The following CPO variants were observed in gnomAD, a reference collection of about 807,000 sequenced individuals.
CPO encodes carboxypeptidase O.
In CPO, 43 loss-of-function variants were observed where a neutral mutation model predicts 41.2. The ratio of observed to expected loss-of-function variants is 1.04; its 90% CI spans 0.82 to 1.35. The LOEUF is 1.35. CPO is among the 40% of genes most tolerant of loss of function. The pLI is 0.00. For missense variants in CPO, 408 were observed against 451.7 expected (o/e 0.90, Z 0.88); for synonymous variants, 178 against 162.7 (o/e 1.09, Z -0.72).
intron 8 of CPO, 80 bp from the exon 9 acceptor site, chr2:206,969,094 C>T (rs1693635399): frequency 2.1e-6 from 3 of 1,397,624 alleles, no homozygotes; most frequent in African/African-American, 1.4e-5. Context: ...CTAAGTGAAC[C>T]TTTAGTTCCT....
rs190618824 is a variant in CPO, at chr2:206,940,320, G to A, written c.68+653G>A. 4.0e-3 allele frequency among the ~76,000 whole-genome samples: 601 copies of A among 151,924 alleles called. 2 individuals carry two copies. The highest frequency in any genetic ancestry group is 7.0e-3 in the Non-Finnish European group (476 of 67,928). On this transcript the variant is annotated intron_variant, in intron 1 of 8. Transcript: ENST00000272852. ...ATTTCTCTAAGAAGTGGAATTACTG[G>A]GTCAGTAACTGAGGAAAATGTAAGG...
At chr2:206,952,595 C>G (rs1693285687) in intron 2 of CPO, among the ~76,000 whole-genome samples, 1 of 152,134 alleles carries the variant, frequency 6.6e-6, no homozygotes, top group Non-Finnish European at 1.5e-5. Context: ...GTATAAGACT[C>G]TTTGTAGCAC....
At chr2:206,949,405 C>T (rs972944890) in intron 1 of CPO, among the ~76,000 whole-genome samples, 1 of 152,194 alleles carries the variant, frequency 6.6e-6, no homozygotes, top group Non-Finnish European at 1.5e-5. Context: ...TAATTGTTCT[C>T]ACTCTACAGA....
At chr2:206,949,498 A>G in intron 1 of CPO, 119 bp from the exon 2 acceptor site, 1 of 681,736 alleles carries the variant, frequency 1.5e-6, no homozygotes. Flanking sequence ...ACTCCAACAC[A>G]GGCTTTTGTC....
Position 206,962,316 on chromosome 2 carries a change from T to C in CPO, c.575-96T>C. ...GACAACCAAGGGCAAGCGCTGATTC[T>C]ACTCACAGAGGCCCTGAGTATGGAT... On this transcript the variant is annotated intron_variant, in intron 6 of 8. Transcript: ENST00000272852. 3.8e-6 allele frequency: 4 copies of C among 1,063,026 alleles called. No homozygotes were observed. The South Asian group carries it at 5.5e-5, about 15-fold the overall frequency. The allele number at this position is 1,063,026 out of a possible 1,614,324, so 65.8% of individuals were successfully genotyped here. A position where few individuals can be genotyped will look rare whatever the true frequency, so the allele number is the denominator to read the frequency against.
chr2:206,958,728 GTTTTTTTTTTTTTTTTTTT>G (rs752377148), intron 4 of CPO, among the ~76,000 whole-genome samples: 2 of 53,330 alleles, frequency 3.8e-5, no homozygotes, highest in African/African-American at 1.4e-4. Flanking sequence ...AAATTTTCTA[GTTTTTTTTTTTTTTTTTTT>G]TTTTTTTTTT....
intron 7 of CPO, 75 bp from the exon 8 acceptor site, chr2:206,968,188 A>C: frequency 9.5e-7 from 1 of 1,047,904 alleles, no homozygotes; most frequent in Non-Finnish European, 1.5e-6. Context: ...ATGAATCTGG[A>C]CAAAACACCA....
At chr2:206,949,560 C>T (rs1436303918) in intron 1 of CPO, 57 bp from the exon 2 acceptor site, 4 of 1,279,024 alleles carry the variant, frequency 3.1e-6, no homozygotes, top group Non-Finnish European at 4.6e-6. Flanking sequence ...AACCCGCCAA[C>T]CCTCAGGATA....
At chr2:206,967,266 A>G (rs942776312) in intron 7 of CPO, among the ~76,000 whole-genome samples, 7 of 151,774 alleles carry the variant, frequency 4.6e-5, no homozygotes, top group Non-Finnish European at 1.0e-4. Flanking sequence ...TTATCTCTGG[A>G]AAGGGGCTGC....
intron 1 of CPO, among the ~76,000 whole-genome samples, chr2:206,943,891 T>G (rs1390165914): frequency 6.6e-6 from 1 of 152,128 alleles, no homozygotes; most frequent in African/African-American, 2.4e-5. Flanking sequence ...ATGCTTGAGT[T>G]TGGAATTCTC....
chr2:206,967,574 G>C (rs1693609386), intron 7 of CPO, among the ~76,000 whole-genome samples: 1 of 152,066 alleles, frequency 6.6e-6, no homozygotes. Context: ...AGAGATAAGA[G>C]GTAGGGGTCC....
intron 1 of CPO, among the ~76,000 whole-genome samples, chr2:206,944,198 C>A (rs1693098189): frequency 6.6e-6 from 1 of 151,942 alleles, no homozygotes; most frequent in Non-Finnish European, 1.5e-5. Context: ...ATGTAGTGCT[C>A]AGTAAGGGTT....
intron 6 of CPO, among the ~76,000 whole-genome samples, chr2:206,961,233 CA>C (rs567576085): frequency 5.8e-4 from 89 of 152,224 alleles, no homozygotes; most frequent in Middle Eastern, 3.4e-3. Flanking sequence ...TATGAATTAT[CA>C]TAAAGAAAAG....
At chr2:206,960,778 GA>G in intron 5 of CPO, 73 bp from the exon 6 acceptor site, 3 of 1,022,214 alleles carry the variant, frequency 2.9e-6, no homozygotes, top group Non-Finnish European at 4.6e-6. Context: ...CATGTTCAAG[GA>G]CCACCTATCA....
At position 206,968,288 on chromosome 2, in the gene CPO, A is replaced by C; in HGVS notation, c.803A>C (p.Asn268Thr). The C allele has an allele frequency of 6.2e-7, 1 of 1,611,884 alleles. No individual in the cohort carries two copies. Among genetic ancestry groups the C allele is most frequent in the Admixed American group, 1.7e-5 (1 of 60,026 alleles). Residue 268 changes from asparagine (N) to threonine (T), a missense_variant, in exon 8 of 9, where the codon AAT becomes ACT. By Grantham distance (65) the Asn-to-Thr change is moderately conservative. Coordinates refer to ENST00000272852, the MANE Select transcript of CPO (RefSeq NM_173077.3). ...EMIQVGQKAANALKAKYGTNY... is the reference protein window; with the variant it reads ...EMIQVGQKAATALKAKYGTNY... The stretch of plus-strand genomic sequence containing the variant: ...ATTCAAGTTGGACAGAAGGCAGCAA[A>C]TGCATTGAAAGCAAAGTATGGAACC...
chr2:206,946,907 A>G (rs1309574032), intron 1 of CPO, among the ~76,000 whole-genome samples: 1 of 152,180 alleles, frequency 6.6e-6, no homozygotes, highest in Non-Finnish European at 1.5e-5. Context: ...AACAAAATTT[A>G]TACAAGATCT....
chr2:206,951,528 A>C lies in CPO; in HGVS notation c.165+1815A>C, dbSNP rs114154766. ...TCTCTCAGCATTTAGGAATATATTC[A>C]TATTTTCCAGACTTTTTTTCAACAA... is the stretch of plus-strand genomic sequence containing the variant. On this transcript the variant is annotated intron_variant, in intron 2 of 8. Coordinates refer to ENST00000272852, the MANE Select transcript of CPO (RefSeq NM_173077.3). Among the ~76,000 whole-genome samples, 310 of 152,338 alleles carry C rather than the reference A, an allele frequency of 2.0e-3. 1 individual carries two copies. The highest frequency in any genetic ancestry group is 6.7e-3 in the African/African-American group (279 of 41,574).
intron 3 of CPO, among the ~76,000 whole-genome samples, chr2:206,956,690 TTTAA>T: frequency 6.6e-6 from 1 of 152,340 alleles, no homozygotes; most frequent in East Asian, 1.9e-4. Flanking sequence ...AGGACCACTC[TTTAA>T]TTAAGAACCA....
intron 1 of CPO, among the ~76,000 whole-genome samples, chr2:206,943,759 TAGA>T: frequency 6.6e-6 from 1 of 150,510 alleles, no homozygotes; most frequent in Non-Finnish European, 1.5e-5. Context: ...GATAGATAGA[TAGA>T]TAGATAGATA....
Sources: allele counts gnomAD v4.1 joint callset (sites outside exome capture counted in the v4.1 genomes callset), GRCh38; gene constraint gnomAD v4.1.1; transcripts MANE v1.5; gene names NCBI Gene and HGNC (gene_info 2026-07-23, HGNC 2026-07-21).